The following SPAG6 variants were observed in gnomAD, a reference collection of about 807,000 sequenced individuals.
The protein encoded by SPAG6 is sperm-associated antigen 6.
A neutral mutation model predicts 58.5 loss-of-function variants in SPAG6; 49 were observed. The observed-to-expected ratio is 0.84, with a 90% CI of 0.67 to 1.06. The LOEUF (loss-of-function observed/expected upper bound fraction) is 1.06. Among genes scored for constraint, SPAG6 ranks in the 50% least tolerant of loss-of-function variants. The probability of loss-of-function intolerance (pLI) is 0.00; values close to 1 mark genes in which losing one functional copy is unlikely to be tolerated. For synonymous variants in SPAG6, 233 were observed against 225.6 expected (o/e 1.03, Z -0.29); for missense variants, 560 against 611.3 (o/e 0.92, Z 0.89).
intron 10 of SPAG6, among the ~76,000 whole-genome samples, chr10:22,413,607 C>A (rs1290641884): frequency 2.6e-5 from 4 of 151,344 alleles, no homozygotes; most frequent in East Asian, 1.9e-4. Flanking sequence ...TTCCCCAATT[C>A]TGTGGGCTGG....
intron 2 of SPAG6, among the ~76,000 whole-genome samples, chr10:22,357,071 T>A (rs1288815343): frequency 6.6e-6 from 1 of 152,170 alleles, no homozygotes; most frequent in East Asian, 1.9e-4. Flanking sequence ...ATGAAACTCT[T>A]TTTGCTCTTT....
rs1564384057 is a variant in SPAG6, at chr10:22,413,687, T to TTATATATA, written c.1460+2511_1460+2512insTATATATA. ...TACCTGACTAATGTTTTCAAATTTC[T>TTATATATA]GATATATATATATATATATATTTCA... On this transcript the variant is annotated intron_variant, in intron 10 of 10. Transcript: ENST00000376624. 2.0e-4 allele frequency among the ~76,000 whole-genome samples: 26 copies of TTATATATA among 130,174 alleles called. 1 individual carries two copies. The highest frequency in any genetic ancestry group is 7.1e-4 in the Admixed American group (10 of 14,094). The allele number at this position is 130,174 out of a possible 152,430, so 85.4% of individuals were successfully genotyped here. A position where few individuals can be genotyped will look rare whatever the true frequency, so the allele number is the denominator to read the frequency against.
At chr10:22,406,069 G>T (rs1306592382) in intron 9 of SPAG6, among the ~76,000 whole-genome samples, 5 of 151,874 alleles carry the variant, frequency 3.3e-5, no homozygotes, top group East Asian at 1.9e-4. Flanking sequence ...TCAATTTTGT[G>T]GATCTTTTCA....
chr10:22,383,377 C>T (rs1834001226), intron 4 of SPAG6, among the ~76,000 whole-genome samples: 1 of 152,112 alleles, frequency 6.6e-6, no homozygotes, highest in South Asian at 2.1e-4. Context: ...CAGTGGCTCA[C>T]ACCTGTAATC....
chr10:22,376,427 G>C (rs1262885500), intron 4 of SPAG6, among the ~76,000 whole-genome samples: 2 of 152,038 alleles, frequency 1.3e-5, no homozygotes, highest in Non-Finnish European at 2.9e-5. Flanking sequence ...GGCTAATTTC[G>C]AGTTTTAAAT....
At chr10:22,346,620 G>A (rs1178094660) in intron 2 of SPAG6, among the ~76,000 whole-genome samples, 2 of 151,372 alleles carry the variant, frequency 1.3e-5, no homozygotes, top group African/African-American at 4.9e-5. Flanking sequence ...TGTGTCATGA[G>A]AAATCTTCAG....
At chr10:22,397,230 A>C (rs1446306304) in intron 8 of SPAG6, among the ~76,000 whole-genome samples, 1 of 152,166 alleles carries the variant, frequency 6.6e-6, no homozygotes, top group Non-Finnish European at 1.5e-5. Flanking sequence ...ACACGCACAC[A>C]CACAAATCAT....
chr10:22,400,141 A>C (rs796253031), intron 8 of SPAG6, among the ~76,000 whole-genome samples: 2 of 152,132 alleles, frequency 1.3e-5, no homozygotes, highest in South Asian at 2.1e-4. Flanking sequence ...GAAAATCACA[A>C]TGCTCCTTGA....
chr10:22,367,492 A>G (rs1837230697), intron 3 of SPAG6, among the ~76,000 whole-genome samples: 1 of 152,172 alleles, frequency 6.6e-6, no homozygotes, highest in South Asian at 2.1e-4. Context: ...TCAATATTAT[A>G]GTCTAAGTGA....
At chr10:22,369,317 T>C (rs1321896174) in intron 4 of SPAG6, among the ~76,000 whole-genome samples, 1 of 152,168 alleles carries the variant, frequency 6.6e-6, no homozygotes, top group East Asian at 1.9e-4. Context: ...ACTCACCCAA[T>C]TGGTAAAAAG....
In SPAG6 at chr10:22,368,645, T is replaced by TG; in HGVS notation, c.442dup (p.Ala148GlyfsTer3). Reference sequence around the variant, plus strand: ...CCCTGGAGTCAAGGAGGCTGCAGCCTGGGCACTTAGATATATTGCAAGACA... The same window carrying TG: ...CCCTGGAGTCAAGGAGGCTGCAGCCTGGGGCACTTAGATATATTGCAAGACA... On this transcript the variant is annotated frameshift_variant, in exon 4 of 11. Transcript: ENST00000376624. LOFTEE classifies it high-confidence loss of function. 1 of 1,613,830 alleles carries TG rather than the reference T, an allele frequency of 6.2e-7. No individual in the cohort carries two copies. The highest frequency in any genetic ancestry group is 8.5e-7 in the Non-Finnish European group (1 of 1,179,872).
intron 2 of SPAG6, among the ~76,000 whole-genome samples, chr10:22,364,050 A>G (rs911961012): frequency 6.6e-6 from 1 of 152,208 alleles, no homozygotes; most frequent in East Asian, 1.9e-4. Context: ...CAATGCAAAT[A>G]CTATTGGTGT....
At chr10:22,399,678 T>C (rs920107620) in intron 8 of SPAG6, among the ~76,000 whole-genome samples, 2 of 152,236 alleles carry the variant, frequency 1.3e-5, no homozygotes, top group African/African-American at 4.8e-5. Flanking sequence ...CTAGTGTCAT[T>C]AGACTCTTTT....
At chr10:22,390,025 A>G (rs1233791712) in intron 7 of SPAG6, among the ~76,000 whole-genome samples, 1 of 152,174 alleles carries the variant, frequency 6.6e-6, no homozygotes. Context: ...TGGGTTTCTT[A>G]TCAGCATAGA....
chr10:22,404,076 TTTGTAGG>T (rs1489032532), intron 9 of SPAG6, among the ~76,000 whole-genome samples: 299 of 125,258 alleles, frequency 2.4e-3, no homozygotes, highest in African/African-American at 9.0e-3. Context: ...TTTCTCCCAT[TTTGTAGG>T]TTGCCTGTTC....
chr10:22,368,193 T>C (rs1188911876), intron 3 of SPAG6, among the ~76,000 whole-genome samples: 2 of 152,230 alleles, frequency 1.3e-5, no homozygotes, highest in Non-Finnish European at 2.9e-5. Flanking sequence ...AATCTCGTTA[T>C]TTTATGAATT....
chr10:22,376,032 C>G (rs1833808894), intron 4 of SPAG6, among the ~76,000 whole-genome samples: 1 of 152,172 alleles, frequency 6.6e-6, no homozygotes, highest in Admixed American at 6.5e-5. Flanking sequence ...CACACTTGAA[C>G]TGAGGCTAGT....
chr10:22,413,708 T>TATATATATATATATATATATATA (rs1564384103), intron 10 of SPAG6, among the ~76,000 whole-genome samples: 7 of 150,864 alleles, frequency 4.6e-5, no homozygotes, highest in African/African-American at 1.7e-4. Flanking sequence ...TATATATATA[T>TATATATATATATATATATATATA]TTCACCCACA....
At chr10:22,358,902 T>C (rs528547151) in intron 2 of SPAG6, among the ~76,000 whole-genome samples, 1 of 152,336 alleles carries the variant, frequency 6.6e-6, no homozygotes, top group Admixed American at 6.5e-5. Context: ...AGAAATTTTA[T>C]CTAATTCTCA....
Sources: allele counts gnomAD v4.1 joint callset (sites outside exome capture counted in the v4.1 genomes callset), GRCh38; gene constraint gnomAD v4.1.1; transcripts MANE v1.5; gene names NCBI Gene and HGNC (gene_info 2026-07-23, HGNC 2026-07-21).